Variants in SUN2 observed in about 807,000 individuals in gnomAD.
The protein encoded by SUN2 is SUN domain-containing protein 2.
Under a neutral mutation model 100.0 loss-of-function variants are expected in SUN2, and 60 were observed. The ratio of observed to expected loss-of-function variants is 0.60; its 90% CI spans 0.49 to 0.74. The LOEUF is 0.74. Ranked by LOEUF, SUN2 falls within the 30% of genes least tolerant of loss-of-function variation. SUN2 has a pLI of 0.00. For missense variants in SUN2, 834 were observed against 954.6 expected, an observed-to-expected ratio of 0.87 and a Z score of 1.66; for synonymous variants, 367 against 403.3, an observed-to-expected ratio of 0.91 and a Z score of 1.08.
At chr22:38,753,080 A>C (rs2092959576) in intron 1 of SUN2, among the ~76,000 whole-genome samples, 2 of 151,500 alleles carry the variant, frequency 1.3e-5, no homozygotes, top group South Asian at 4.2e-4. Flanking sequence ...CAGCCACCCC[A>C]CCTGCCTTCT....
Position 38,742,462 on chromosome 22 carries a change from T to C in SUN2, c.907A>G (p.Met303Val), listed in dbSNP as rs1173245777. The stretch of plus-strand genomic sequence containing the variant: ...CGCAGCTCCAGACGTTCCAGCCGCA[T>C]GGCCTCCTTCTGCCAGTTGGAGGAA... ...EFSSNWQKEA[M>V]RLERLELRQG... Residue 303 changes from methionine (M) to valine (V), a missense_variant, in exon 9 of 18, where the codon ATG (methionine) becomes GTG (valine). Physicochemically the swap from Met to Val is conservative, Grantham distance 21. Around this residue, in one of 3 missense-constraint regions of SUN2, gnomAD observed 559 missense variants for 597.7 expected, o/e 0.94. Coordinates refer to ENST00000689035, the MANE Select transcript of SUN2 (RefSeq NM_015374.3). 1 of 1,613,718 alleles carries C rather than the reference T, an allele frequency of 6.2e-7. No homozygotes were observed. The highest frequency in any genetic ancestry group is 1.1e-5 in the South Asian group (1 of 91,080).
At chr22:38,741,799 G>C in intron 9 of SUN2, among the ~76,000 whole-genome samples, 3 of 152,300 alleles carry the variant, frequency 2.0e-5, no homozygotes, top group East Asian at 3.9e-4. Flanking sequence ...CTATGGGGGT[G>C]GGGGAGACAC....
rs470107 is a variant in SUN2 at position 38,755,052 on chromosome 22, CG to C, written c.-38+710del. ...TAACAATCAGTTAGGAAACGCTCAT[CG>C]GAAAGCATCCTTCCCCACTTCTCAG... On this transcript the variant is annotated intron_variant, in intron 1 of 17. Coordinates refer to ENST00000689035, the MANE Select transcript of SUN2 (RefSeq NM_015374.3). The surrounding 1 kb of genome is among the most constrained non-coding windows in gnomAD (Gnocchi z 5.7). 335,343 of 1,095,124 alleles carry C rather than the reference CG, an allele frequency of 0.31. 53,535 individuals carry two copies. Among genetic ancestry groups the C allele is most frequent in the African/African-American group, 0.51 (30,783 of 60,584 alleles). 67.8% of individuals were successfully genotyped at this position (1,095,124 alleles called of 1,614,324 possible). A position where few individuals can be genotyped will look rare whatever the true frequency, so the allele number is the denominator to read the frequency against.
chr22:38,752,456 CCAA>C, intron 2 of SUN2, 48 bp downstream of exon 2: 3 of 1,566,044 alleles, frequency 1.9e-6, no homozygotes, highest in Non-Finnish European at 1.7e-6. Context: ...CGGGCAGTGA[CCAA>C]AAGCTTGTGG....
chr22:38,740,699 G>A lies in SUN2; in HGVS notation c.1191-267C>T. ...CCTCAGCCTCTCACATCCTCCACAA[G>A]CATGGACATCTGGGGCATGAGAAGG... On this transcript the variant is annotated intron_variant, in intron 11 of 17. Transcript: ENST00000689035. This position sits in a 1 kb window ranked among gnomAD's most constrained non-coding sequence, Gnocchi z 4.8. The A allele has an allele frequency of 1.7e-6, 1 of 579,076 alleles. No individual in the cohort carries two copies. The highest frequency in any genetic ancestry group is 3.1e-6 in the Non-Finnish European group (1 of 325,370). 35.9% of individuals were successfully genotyped at this position (579,076 alleles called of 1,614,324 possible).
At position 38,735,403 on chromosome 22, in the gene SUN2, T is replaced by C. The variant is rs1164036512; in HGVS notation, c.*864A>G. On this transcript the variant is annotated 3_prime_UTR_variant, in exon 18 of 18. Transcript: ENST00000689035. ...AGGAGTTCCATGCTCCCCACTCTTCTTGCTATAACCCCAGATGCTAATGGC... is the reference window on the plus strand; with the variant it reads ...AGGAGTTCCATGCTCCCCACTCTTCCTGCTATAACCCCAGATGCTAATGGC... 2.5e-5 allele frequency: 9 copies of C among 355,782 alleles called. No individual in the cohort carries two copies. The highest frequency in any genetic ancestry group is 3.8e-5 in the Admixed American group (1 of 26,656). 22.0% of individuals were successfully genotyped at this position (355,782 alleles called of 1,614,324 possible).
At chr22:38,752,757 G>T in intron 1 of SUN2, 92 bp from the exon 2 acceptor site, 1 of 1,398,238 alleles carries the variant, frequency 7.2e-7, no homozygotes, top group Non-Finnish European at 9.6e-7. Flanking sequence ...TCGCCTCACA[G>T]CCGAGAACAG....
intron 7 of SUN2, among the ~76,000 whole-genome samples, chr22:38,748,378 A>G (rs2092919835): frequency 6.6e-6 from 1 of 152,264 alleles, no homozygotes; most frequent in African/African-American, 2.4e-5. Context: ...CTTTAAAGAC[A>G]GCTCAAGATT....
chr22:38,741,174 T>G, intron 10 of SUN2, 124 bp from the exon 11 acceptor site: 1 of 1,103,740 alleles, frequency 9.1e-7, no homozygotes, highest in Non-Finnish European at 1.3e-6. Flanking sequence ...TCTTGACCCC[T>G]GCAGCAAAAA....
Position 38,741,473 on chromosome 22 carries a change from G to A in SUN2, c.1146+21C>T, listed in dbSNP as rs118118117. On this transcript the variant is annotated intron_variant, in intron 10 of 17. Transcript: ENST00000689035. ...GGGTCAGGACCCAGTCACAGGCCCT[G>A]AGTGCCGCAAGCCCGCTGACCTGGG... is the stretch of plus-strand genomic sequence containing the variant. 7.0e-4 allele frequency: 1,135 copies of A among 1,612,620 alleles called. 4 individuals carry two copies. Among genetic ancestry groups the A allele is most frequent in the East Asian group, 3.5e-3 (155 of 44,880 alleles).
rs768509970 is a variant in SUN2 at position 38,745,667 on chromosome 22, C to T, written c.813+17G>A. ...TTATTGCTAAGCTCTTGGGAGCTAC[C>T]ACCCTCAGAGACTCACCTGGAAATG... On this transcript the variant is annotated intron_variant, in intron 8 of 17. Coordinates refer to ENST00000689035, the MANE Select transcript of SUN2 (RefSeq NM_015374.3). The T allele has an allele frequency of 2.5e-6, 4 of 1,612,544 alleles. No individual in the cohort carries two copies. The highest frequency in any genetic ancestry group is 1.7e-6 in the Non-Finnish European group (2 of 1,179,834).
chr22:38,751,441 A>G (rs2092945366), intron 2 of SUN2, 68 bp from the exon 3 acceptor site: 4 of 1,577,740 alleles, frequency 2.5e-6, no homozygotes, highest in Non-Finnish European at 2.6e-6. Flanking sequence ...CATGAAGGAA[A>G]GCCACAGCCT....
At chr22:38,749,893 A>G (rs749624838) in intron 5 of SUN2, 34 bp from the exon 6 acceptor site, 9 of 1,592,776 alleles carry the variant, frequency 5.7e-6, no homozygotes, top group Non-Finnish European at 7.7e-6. Flanking sequence ...AAGGCTCCAT[A>G]TGGTGTTTGG....
chr22:38,754,719 C>A, intron 1 of SUN2: 1 of 1,289,086 alleles, frequency 7.8e-7, no homozygotes, highest in Non-Finnish European at 1.0e-6. Flanking sequence ...TTGCCCAGGG[C>A]AGAAACAAGG....
At position 38,739,044 on chromosome 22, in the gene SUN2, AGGCCATTG is replaced by A; in HGVS notation, c.1664-64_1664-57del. The A allele has an allele frequency of 2.0e-6, 3 of 1,523,966 alleles. No homozygotes were observed. The highest frequency in any genetic ancestry group is 2.7e-6 in the Non-Finnish European group (3 of 1,119,158). The allele number at this position is 1,523,966 out of a possible 1,614,324, so 94.4% of individuals were successfully genotyped here. ...CCCGCACGGGAGGAGGGCCCCGCTC[AGGCCATTG>A]GCTGTCTCCTCGCTGAAGGTGGACG... On this transcript the variant is annotated intron_variant, in intron 14 of 17. Coordinates refer to ENST00000689035, the MANE Select transcript of SUN2 (RefSeq NM_015374.3). The surrounding 1 kb of genome is among the most constrained non-coding windows in gnomAD (Gnocchi z 6.7).
Position 38,739,191 on chromosome 22 carries a change from G to A in SUN2, c.1663+151C>T. On this transcript the variant is annotated intron_variant, in intron 14 of 17. Transcript: ENST00000689035. The surrounding 1 kb of genome is among the most constrained non-coding windows in gnomAD (Gnocchi z 6.7). ...CGGTACGTCCTGACTTCCCTGAATT[G>A]CCACTTGCCTTTGTCATGGGTACTA... 1 of 968,396 alleles carries A rather than the reference G, an allele frequency of 1.0e-6. No individual in the cohort carries two copies. The highest frequency in any genetic ancestry group is 1.6e-6 in the Non-Finnish European group (1 of 624,624). 60.0% of individuals were successfully genotyped at this position (968,396 alleles called of 1,614,324 possible).
At position 38,736,075 on chromosome 22, in the gene SUN2, T is replaced by C; in HGVS notation, c.*192A>G. On this transcript the variant is annotated 3_prime_UTR_variant, in exon 18 of 18. Transcript: ENST00000689035. ...GCACAGAGGGAAGGAAGAAGGGAGCTGCTGGAGCCTGCTAACCGCCTCGAG... is the reference window on the plus strand; with the variant it reads ...GCACAGAGGGAAGGAAGAAGGGAGCCGCTGGAGCCTGCTAACCGCCTCGAG... The C allele has an allele frequency of 1.5e-6, 1 of 657,152 alleles. No individual in the cohort carries two copies. Among genetic ancestry groups the C allele is most frequent in the Non-Finnish European group, 2.8e-6 (1 of 355,978 alleles). 40.7% of individuals were successfully genotyped at this position (657,152 alleles called of 1,614,324 possible).
chr22:38,752,772 C>T (rs557676503), intron 1 of SUN2, 107 bp from the exon 2 acceptor site: 2 of 1,220,620 alleles, frequency 1.6e-6, no homozygotes, highest in African/African-American at 1.6e-5. Context: ...GAACAGACCA[C>T]CCCCCCGGCC....
At chr22:38,750,822 C>T (rs1161868735) in intron 4 of SUN2, 76 bp downstream of exon 4, 20 of 1,586,158 alleles carry the variant, frequency 1.3e-5, no homozygotes, top group East Asian at 4.6e-5. Context: ...TCCAGCTCCC[C>T]GGGGCTCCCT....
Sources: allele counts gnomAD v4.1 joint callset (sites outside exome capture counted in the v4.1 genomes callset), GRCh38; gene constraint gnomAD v4.1.1; regional missense constraint gnomAD v4.1.1; non-coding constraint Gnocchi (gnomAD v3.1); transcripts MANE v1.5; gene names NCBI Gene and HGNC (gene_info 2026-07-23, HGNC 2026-07-21).